CRYBG3: variants seen among roughly 807,000 people sequenced by gnomAD.
The protein encoded by CRYBG3 is very large A-kinase anchor protein.
A neutral mutation model predicts 244.2 loss-of-function variants in CRYBG3; 127 were observed. The observed-to-expected ratio is 0.52, with a 90% confidence interval of 0.45 to 0.60. The LOEUF (loss-of-function observed/expected upper bound fraction) is 0.60, where lower values mean the gene tolerates loss of function less well. Ranked by LOEUF, CRYBG3 falls within the 20% of genes least tolerant of loss-of-function variation. The pLI is 0.00. For synonymous variants in CRYBG3, 1,132 were observed against 1,195.8 expected, an observed-to-expected ratio of 0.95 and a Z score of 1.10; for missense variants, 3,325 against 3,442.5, an observed-to-expected ratio of 0.97 and a Z score of 0.85.
At chr3:97,891,119 A>AGT (rs1559734725) in intron 10 of CRYBG3, among the ~76,000 whole-genome samples, 1 of 152,198 alleles carries the variant, frequency 6.6e-6, no homozygotes, top group African/African-American at 2.4e-5. Flanking sequence ...TGTAAGAAAC[A>AGT]GTATGTATTT....
chr3:97,879,364 C>T (rs1293741819), intron 4 of CRYBG3, among the ~76,000 whole-genome samples: 1 of 152,184 alleles, frequency 6.6e-6, no homozygotes, highest in Non-Finnish European at 1.5e-5. Context: ...CTCTTTGAAC[C>T]TCTGTATGCC....
At position 97,872,028 on chromosome 3, in the gene CRYBG3, G is replaced by C; in HGVS notation, c.834G>C (p.Gly278=). 1.3e-6 allele frequency: 2 copies of C among 1,535,704 alleles called. No homozygotes were observed. The highest frequency in any genetic ancestry group is 1.7e-6 in the Non-Finnish European group (2 of 1,146,686). ...HIDPGSEIEA[G]VLPLLLSAST... is the part of the protein sequence containing the mutation. ...ACCCTGGAAGTGAGATTGAGGCTGG[G>C]GTACTGCCACTGTTGTTATCAGCTA... Residue 278 remains glycine (G), a synonymous_variant, in exon 4 of 22, where the codon GGG becomes GGC. Coordinates refer to ENST00000389622, the MANE Select transcript of CRYBG3 (RefSeq NM_153605.4).
chr3:97,855,968 T>C (rs1322353539), intron 2 of CRYBG3, among the ~76,000 whole-genome samples: 1 of 152,146 alleles, frequency 6.6e-6, no homozygotes, highest in Non-Finnish European at 1.5e-5. Context: ...AGACAGGGTT[T>C]TGAGAGCAAC....
intron 15 of CRYBG3, 74 bp downstream of exon 15, chr3:97,900,559 CT>C (rs1248870577): frequency 1.1e-6 from 1 of 939,828 alleles, no homozygotes; most frequent in Non-Finnish European, 1.7e-6. Flanking sequence ...TCAAATCTTT[CT>C]CTTTTCTGCA....
Position 97,822,348 on chromosome 3 carries a change from G to A in CRYBG3, c.142G>A (p.Ala48Thr). 6.7e-7 allele frequency: 1 copy of A among 1,501,196 alleles called. No individual in the cohort carries two copies. Among genetic ancestry groups the A allele is most frequent in the Non-Finnish European group, 8.9e-7 (1 of 1,128,816 alleles). 93.0% of individuals were successfully genotyped at this position (1,501,196 alleles called of 1,614,324 possible). ...CCCGCCTCCAGCTCCAGGCCGGTCCGCTGCCAGGTGGGAGTCGAGGAGGGG... is the reference window on the plus strand; with the variant it reads ...CCCGCCTCCAGCTCCAGGCCGGTCCACTGCCAGGTGGGAGTCGAGGAGGGG... ...TSPPPAPGRS[A>T]ASVENEPMST... is the part of the protein sequence containing the mutation. Residue 48 changes from alanine (A) to threonine (T), a missense_variant, in exon 1 of 22, where the codon GCT becomes ACT. Transcript: ENST00000389622.
intron 14 of CRYBG3, 62 bp from the exon 15 acceptor site, chr3:97,900,391 A>C: frequency 8.6e-7 from 1 of 1,157,912 alleles, no homozygotes; most frequent in South Asian, 1.4e-5. Context: ...GGTATTTTCA[A>C]AACTTTCAAA....
intron 11 of CRYBG3, among the ~76,000 whole-genome samples, chr3:97,893,854 A>G (rs187158571): frequency 9.7e-4 from 147 of 152,294 alleles, no homozygotes; most frequent in Admixed American, 2.0e-3. Flanking sequence ...GTTTAAGATC[A>G]CTCAAGGGCC....
At position 97,940,284 on chromosome 3, in the gene CRYBG3, T is replaced by C. The variant is rs533719592; in HGVS notation, c.8506-864T>C. 3.9e-5 allele frequency among the ~76,000 whole-genome samples: 6 copies of C among 152,144 alleles called. No individual in the cohort carries two copies. In the South Asian group the frequency reaches 1.2e-3, roughly 32 times the overall value. On this transcript the variant is annotated intron_variant, in intron 19 of 21. Transcript: ENST00000389622. Reference sequence around the variant, plus strand: ...CTTATTCCCTGTGCCTAAGAGCAACTAGTGCATTTCAACATAGGTCTGAGA... The same window carrying C: ...CTTATTCCCTGTGCCTAAGAGCAACCAGTGCATTTCAACATAGGTCTGAGA...
intron 17 of CRYBG3, among the ~76,000 whole-genome samples, chr3:97,928,873 T>C (rs766249042): frequency 6.6e-6 from 1 of 151,930 alleles, no homozygotes; most frequent in Non-Finnish European, 1.5e-5. Flanking sequence ...AATAAGGTAT[T>C]GCACATATAT....
At position 97,876,643 on chromosome 3, in the gene CRYBG3, G is replaced by T; in HGVS notation, c.5449G>T (p.Ala1817Ser). The T allele has an allele frequency of 8.1e-7, 1 of 1,235,940 alleles. No individual in the cohort carries two copies. 76.6% of individuals were successfully genotyped at this position (1,235,940 alleles called of 1,614,324 possible). A position where few individuals can be genotyped will look rare whatever the true frequency, so the allele number is the denominator to read the frequency against. ...KVKEAHETAPAPLEMEKACKR... is the reference protein window; with the variant it reads ...KVKEAHETAPSPLEMEKACKR... ...GAAGGAAGCACACGAGACAGCACCT[G>T]CCCCCTTAGAAATGGAAAAAGCATG... The change falls in exon 4 of 22, where the codon GCC becomes TCC. Residue 1817 changes from alanine (A) to serine (S), a missense_variant. Ala to Ser is a moderately conservative substitution (Grantham distance 99). This residue lies in a region of CRYBG3 where 635 missense variants were observed against 771.7 expected (regional missense o/e 0.82). Transcript: ENST00000389622.
At chr3:97,881,607 T>C (rs1248122133) in intron 7 of CRYBG3, among the ~76,000 whole-genome samples, 1 of 151,696 alleles carries the variant, frequency 6.6e-6, no homozygotes, top group Non-Finnish European at 1.5e-5. Context: ...TCCCAGCTAC[T>C]CTGGAGGCTG....
chr3:97,905,296 C>T (rs1405462343), intron 15 of CRYBG3, among the ~76,000 whole-genome samples: 2 of 151,738 alleles, frequency 1.3e-5, no homozygotes, highest in Non-Finnish European at 2.9e-5. Context: ...ATTTCCAGTT[C>T]TAGATCCCTG....
In CRYBG3 at chr3:97,875,673, AAGC is replaced by A; in HGVS notation, c.4482_4484del (p.Ser1495del). 8.1e-7 allele frequency: 1 copy of A among 1,233,382 alleles called. No individual in the cohort carries two copies. The highest frequency in any genetic ancestry group is 1.0e-6 in the Non-Finnish European group (1 of 988,994). The allele number at this position is 1,233,382 out of a possible 1,614,324, so 76.4% of individuals were successfully genotyped here. A position where few individuals can be genotyped will look rare whatever the true frequency, so the allele number is the denominator to read the frequency against. Reference sequence around the variant, plus strand: ...ACATCCATGCACCTGGTACATCTAAAAGCAGTTTGTCTGATAGCCTTGTATGTA... The same window carrying A: ...ACATCCATGCACCTGGTACATCTAAAAGTTTGTCTGATAGCCTTGTATGTA... On this transcript the variant is annotated inframe_deletion, in exon 4 of 22. Transcript: ENST00000389622.
chr3:97,934,452 G>A (rs748172996), intron 18 of CRYBG3, among the ~76,000 whole-genome samples: 9 of 152,086 alleles, frequency 5.9e-5, no homozygotes, highest in East Asian at 3.9e-4. Flanking sequence ...GAAGAGTCCG[G>A]CATATAAACC....
At chr3:97,849,245 A>G (rs1470012008) in intron 2 of CRYBG3, among the ~76,000 whole-genome samples, 1 of 152,208 alleles carries the variant, frequency 6.6e-6, no homozygotes, top group African/African-American at 2.4e-5. Context: ...CTTGCCATAT[A>G]AAGTCTGGCT....
intron 21 of CRYBG3, 106 bp from the exon 22 acceptor site, chr3:97,943,120 C>G (rs1311813289): frequency 1.6e-6 from 1 of 644,608 alleles, no homozygotes; most frequent in Non-Finnish European, 2.7e-6. Flanking sequence ...GTAAATGACA[C>G]ATTCATCCAC....
chr3:97,921,643 AT>A (rs1292007896), intron 17 of CRYBG3, among the ~76,000 whole-genome samples: 1 of 152,140 alleles, frequency 6.6e-6, no homozygotes, highest in African/African-American at 2.4e-5. Context: ...AAAAATGGTA[AT>A]TTCCAGCTGC....
At chr3:97,862,185 A>G (rs963503479) in intron 2 of CRYBG3, among the ~76,000 whole-genome samples, 1 of 152,148 alleles carries the variant, frequency 6.6e-6, no homozygotes, top group Non-Finnish European at 1.5e-5. Context: ...TTGGAAAGCA[A>G]CCTGTTATGC....
chr3:97,844,492 C>G (rs2038869874), intron 2 of CRYBG3, among the ~76,000 whole-genome samples: 1 of 152,314 alleles, frequency 6.6e-6, no homozygotes, highest in Middle Eastern at 3.4e-3. Context: ...CTTTGGTTAT[C>G]AGCTTTTGTC....
Sources: allele counts gnomAD v4.1 joint callset (sites outside exome capture counted in the v4.1 genomes callset), GRCh38; gene constraint gnomAD v4.1.1; regional missense constraint gnomAD v4.1.1; transcripts MANE v1.5; gene names NCBI Gene and HGNC (gene_info 2026-07-23, HGNC 2026-07-21).